PCDH15: variants seen among roughly 807,000 people sequenced by gnomAD.
PCDH15 encodes the protein protocadherin-15.
In PCDH15, 129 loss-of-function variants were observed where a neutral mutation model predicts 178.5. The observed-to-expected ratio is 0.72, with a 90% CI of 0.63 to 0.84. The LOEUF is 0.84. PCDH15 is among the 40% of genes least tolerant of loss of function. The pLI, the probability that PCDH15 is intolerant of heterozygous loss-of-function variation, is 0.00. For synonymous variants in PCDH15, 800 were observed against 732.0 expected (o/e 1.09, Z -1.50); for missense variants, 2,230 against 2,099.9 (o/e 1.06, Z -1.21).
chr10:54,523,632 T>C (rs1234636248), intron 3 of PCDH15, among the ~76,000 whole-genome samples: 1 of 152,218 alleles, frequency 6.6e-6, no homozygotes, highest in East Asian at 1.9e-4. Flanking sequence ...TTTTGAAAAC[T>C]GCTGTAGGAA....
At chr10:54,057,063 C>G (rs2093908014) in intron 18 of PCDH15, among the ~76,000 whole-genome samples, 1 of 152,192 alleles carries the variant, frequency 6.6e-6, no homozygotes, top group South Asian at 2.1e-4. Context: ...GCAGCTCCAC[C>G]CCTGTGACTT....
At chr10:54,234,534 C>T (rs1186888869) in intron 9 of PCDH15, among the ~76,000 whole-genome samples, 1 of 151,948 alleles carries the variant, frequency 6.6e-6, no homozygotes, top group African/African-American at 2.4e-5. Context: ...GTGCGGGTGA[C>T]AGAGCAAGAC....
At position 55,194,908 on chromosome 10, in the gene PCDH15, T is replaced by C. The variant is rs148646474; in HGVS notation, c.-155-28257A>G. 6.4e-3 allele frequency among the ~76,000 whole-genome samples: 968 copies of C among 152,216 alleles called. 19 individuals are homozygous for C. The highest frequency in any genetic ancestry group is 0.022 in the African/African-American group (931 of 41,482). On this transcript the variant is annotated intron_variant, in intron 1 of 5. Coordinates refer to the PCDH15 transcript ENST00000458638. ...CTATATGTTTATATACAATTCAACA[T>C]ATGTTAAAAATGTTATAGCAATTCA...
At chr10:55,043,343 C>A (rs559325951) in intron 2 of PCDH15, among the ~76,000 whole-genome samples, 3 of 152,054 alleles carry the variant, frequency 2.0e-5, no homozygotes, top group East Asian at 1.9e-4. Flanking sequence ...GATGCACTCA[C>A]CTGACTAATT....
intron 2 of PCDH15, among the ~76,000 whole-genome samples, chr10:54,558,456 C>T (rs1331107863): frequency 6.6e-6 from 1 of 152,048 alleles, no homozygotes; most frequent in Non-Finnish European, 1.5e-5. Context: ...ATTACTATAT[C>T]ATAAACTCTG....
intron 2 of PCDH15, among the ~76,000 whole-genome samples, chr10:54,563,386 T>A (rs544803016): frequency 4.6e-5 from 7 of 152,202 alleles, no homozygotes; most frequent in East Asian, 3.9e-4. Flanking sequence ...TGGGTTTACA[T>A]GAGTAATTGC....
intron 2 of PCDH15, among the ~76,000 whole-genome samples, chr10:55,450,635 T>C (rs1286859376): frequency 6.6e-6 from 1 of 152,180 alleles, no homozygotes; most frequent in Non-Finnish European, 1.5e-5. Context: ...GTAGTTCTAT[T>C]GTATAGTCTT....
chr10:55,075,764 T>G (rs948133703), intron 2 of PCDH15, among the ~76,000 whole-genome samples: 1 of 152,104 alleles, frequency 6.6e-6, no homozygotes, highest in African/African-American at 2.4e-5. Flanking sequence ...TTATTGTATC[T>G]TTTCTTTTGC....
intron 1 of PCDH15, among the ~76,000 whole-genome samples, chr10:54,744,758 G>T (rs560956424): frequency 6.6e-6 from 1 of 152,154 alleles, no homozygotes; most frequent in Admixed American, 6.6e-5. Context: ...TCCTTCTCTG[G>T]CAGTAATTAT....
chr10:54,023,032 C>T lies in PCDH15; in HGVS notation c.2386G>A (p.Val796Ile), dbSNP rs374715306. ...GTTAGAGTTGAATGACGAGGGTGTA[C>T]TGCTCCATCTGTTGCCACAACAACA... is the stretch of plus-strand genomic sequence containing the variant. ...ELVVVATDGAVHPRHSTLTLA... is the reference protein window; with the variant it reads ...ELVVVATDGAIHPRHSTLTLA... Residue 796 changes from valine (V) to isoleucine (I), a missense_variant, in exon 19 of 38, where the codon GTA becomes ATA. Coordinates refer to ENST00000644397, the MANE Select transcript of PCDH15 (RefSeq NM_001384140.1). The T allele has an allele frequency of 9.5e-5, 153 of 1,613,830 alleles. No homozygotes were observed. Among genetic ancestry groups the T allele is most frequent in the Non-Finnish European group, 1.3e-4 (148 of 1,179,912 alleles).
intron 18 of PCDH15, among the ~76,000 whole-genome samples, chr10:54,063,497 T>C (rs2094073582): frequency 6.6e-6 from 1 of 152,202 alleles, no homozygotes; most frequent in African/African-American, 2.4e-5. Flanking sequence ...CCTATGCATG[T>C]CCCTCAGAGC....
intron 1 of PCDH15, among the ~76,000 whole-genome samples, chr10:54,731,566 A>ATATATATATATATG (rs1259287642): frequency 9.5e-6 from 1 of 105,624 alleles, no homozygotes; most frequent in Middle Eastern, 4.9e-3. Context: ...ATATATATAC[A>ATATATATATATATG]CACACACACA....
At chr10:55,169,417 C>T (rs1443164143) in intron 1 of PCDH15, among the ~76,000 whole-genome samples, 1 of 152,086 alleles carries the variant, frequency 6.6e-6, no homozygotes, top group Non-Finnish European at 1.5e-5. Flanking sequence ...CAGTATTTAA[C>T]CAACAAGATT....
intron 1 of PCDH15, among the ~76,000 whole-genome samples, chr10:55,212,427 T>C (rs1840593556): frequency 6.6e-6 from 1 of 152,052 alleles, no homozygotes. Flanking sequence ...ACTTCCACTC[T>C]TAACCTCCCT....
chr10:54,731,541 G>GAGATATATATATATATATATATAT (rs1401452530), intron 1 of PCDH15, among the ~76,000 whole-genome samples: 38 of 68,314 alleles, frequency 5.6e-4, no homozygotes, highest in Admixed American at 1.7e-3. Flanking sequence ...GAAAATGTGA[G>GAGATATATATATATATATATATAT]ATAGATATAT....
rs888614194 is a variant in PCDH15 at position 55,113,503 on chromosome 10, G to T, written c.-80+53073C>A. 4.6e-5 allele frequency among the ~76,000 whole-genome samples: 7 copies of T among 151,844 alleles called. No individual in the cohort carries two copies. The East Asian group carries it at 1.2e-3, about 25-fold the overall frequency. On this transcript the variant is annotated intron_variant, in intron 2 of 5. Coordinates refer to the PCDH15 transcript ENST00000458638. ...AAGGTAGTCATCAAATTCCCAAACT[G>T]ATATTGTAACTGAGTAGCTTAGCTT...
chr10:55,152,310 T>A (rs1416693419), intron 2 of PCDH15, among the ~76,000 whole-genome samples: 2 of 151,988 alleles, frequency 1.3e-5, no homozygotes, highest in Non-Finnish European at 2.9e-5. Flanking sequence ...ATGAGTCACA[T>A]AATAGGTCCG....
intron 29 of PCDH15, among the ~76,000 whole-genome samples, chr10:53,839,202 C>CAAAAAAAAAAAAAAAAAAAAAAAAAAAAA: frequency 1.3e-5 from 1 of 74,618 alleles, no homozygotes; most frequent in Non-Finnish European, 2.5e-5. Context: ...GTCTCCGTCT[C>CAAAAAAAAAAAAAAAAAAAAAAAAAAAAA]AAAAAAAAAA....
At chr10:55,348,256 A>T (rs2131963447) in intron 2 of PCDH15, among the ~76,000 whole-genome samples, 1 of 152,176 alleles carries the variant, frequency 6.6e-6, no homozygotes, top group Middle Eastern at 3.4e-3. Context: ...GGTTGAATAG[A>T]CTCTTTTGTC....
Sources: gnomAD v4.1 joint callset for allele counts (sites outside exome capture counted in the v4.1 genomes callset) on GRCh38, gnomAD v4.1.1 for gene constraint, MANE v1.5 for transcripts, NCBI Gene and HGNC (gene_info 2026-07-23, HGNC 2026-07-21) for gene names.